Variants in RYR2 observed in about 807,000 individuals in gnomAD.
RYR2 encodes cardiac muscle ryanodine receptor-calcium release channel.
In RYR2, 227 loss-of-function variants were observed where a neutral mutation model predicts 601.1. That is an observed-to-expected ratio of 0.38 (90% CI 0.34 to 0.42). The LOEUF is 0.42. Ranked by LOEUF, RYR2 falls within the 10% of genes least tolerant of loss-of-function variation. The pLI, the probability that RYR2 is intolerant of heterozygous loss-of-function variation, is 1.00. For synonymous variants in RYR2, 2,223 were observed against 2,175.1 expected (o/e 1.02, Z -0.61); for missense variants, 4,646 against 6,156.5 (o/e 0.75, Z 8.21).
intron 1 of RYR2, among the ~76,000 whole-genome samples, chr1:237,074,452 C>CA (rs2148348653): frequency 6.6e-6 from 1 of 152,262 alleles, no homozygotes; most frequent in African/African-American, 2.4e-5. Context: ...AATGGGAGGA[C>CA]ACTGATGGAT....
At chr1:237,739,778 G>A (rs1009580626) in intron 79 of RYR2, among the ~76,000 whole-genome samples, 3 of 152,022 alleles carry the variant, frequency 2.0e-5, no homozygotes, top group African/African-American at 4.8e-5. Context: ...AGTCTTCTGC[G>A]GAGTTATCAA....
chr1:237,716,115 TTTAA>T (rs1385935353), intron 71 of RYR2, among the ~76,000 whole-genome samples: 22 of 152,214 alleles, frequency 1.4e-4, no homozygotes, highest in African/African-American at 4.8e-4. Context: ...CAATATGTAG[TTTAA>T]TTATTACATA....
At position 237,623,801 on chromosome 1, in the gene RYR2, G is replaced by A. The variant is rs1456686118; in HGVS notation, c.5953G>A (p.Glu1985Lys). 10 of 1,613,244 alleles carry A rather than the reference G, an allele frequency of 6.2e-6. No individual in the cohort carries two copies. Among genetic ancestry groups the A allele is most frequent in the Non-Finnish European group, 8.5e-6 (10 of 1,179,304 alleles). The change falls in exon 39 of 105, where the codon GAA (glutamate) becomes AAA (lysine). Residue 1985 changes from glutamate (E) to lysine (K), a missense_variant. Coordinates refer to ENST00000366574, the MANE Select transcript of RYR2 (RefSeq NM_001035.3). ...TCTCAATTTTAAGGATGACAAAAGTGAATGTCCATGTCCAGAAGAAATTCG... is the reference window on the plus strand; with the variant it reads ...TCTCAATTTTAAGGATGACAAAAGTAAATGTCCATGTCCAGAAGAAATTCG... ...MLLNFKDDKS[E>K]CPCPEEIRDQ...
At chr1:237,540,491 G>T (rs1669139879) in intron 25 of RYR2, among the ~76,000 whole-genome samples, 1 of 152,040 alleles carries the variant, frequency 6.6e-6, no homozygotes, top group East Asian at 1.9e-4. Flanking sequence ...CAGATCACCT[G>T]AGGTCAGGGG....
At chr1:237,105,308 A>G (rs758928225) in intron 1 of RYR2, among the ~76,000 whole-genome samples, 5 of 152,206 alleles carry the variant, frequency 3.3e-5, no homozygotes, top group Admixed American at 6.5e-5. Flanking sequence ...TATTAAATGA[A>G]TTGCATTGCA....
intron 2 of RYR2, among the ~76,000 whole-genome samples, chr1:237,323,856 C>T (rs1695884809): frequency 6.6e-6 from 1 of 152,204 alleles, no homozygotes; most frequent in Non-Finnish European, 1.5e-5. Context: ...AACCCAGAGA[C>T]ATCAGCTTCA....
chr1:237,447,084 A>T (rs1657450075), intron 14 of RYR2, among the ~76,000 whole-genome samples: 1 of 152,188 alleles, frequency 6.6e-6, no homozygotes, highest in Non-Finnish European at 1.5e-5. Context: ...ATATTTAGTC[A>T]ACACTGACTT....
chr1:237,244,705 CTCTTTCTTTT>C (rs1251583180), intron 1 of RYR2, among the ~76,000 whole-genome samples: 2 of 152,102 alleles, frequency 1.3e-5, no homozygotes, highest in African/African-American at 4.8e-5. Flanking sequence ...CTCTTTCTTT[CTCTTTCTTTT>C]GCCTATTAAA....
At chr1:237,660,368 C>A (rs959331964) in intron 55 of RYR2, among the ~76,000 whole-genome samples, 47 of 151,862 alleles carry the variant, frequency 3.1e-4, no homozygotes, top group African/African-American at 1.1e-3. Flanking sequence ...TCTTATCATG[C>A]TTAAGAGTTT....
intron 1 of RYR2, among the ~76,000 whole-genome samples, chr1:237,148,572 A>G (rs1296664212): frequency 6.9e-6 from 1 of 144,050 alleles, no homozygotes; most frequent in Non-Finnish European, 1.5e-5. Context: ...ACATATATAT[A>G]TATATACACA....
At chr1:237,567,014 T>G (rs1672154011) in intron 28 of RYR2, among the ~76,000 whole-genome samples, 1 of 152,206 alleles carries the variant, frequency 6.6e-6, no homozygotes. Context: ...AAATCATCTT[T>G]GTCTATCAAA....
chr1:237,586,730 T>C (rs955651445), intron 29 of RYR2, among the ~76,000 whole-genome samples: 14 of 151,894 alleles, frequency 9.2e-5, no homozygotes, highest in African/African-American at 3.4e-4. Flanking sequence ...TTTTTTTTTC[T>C]TTTTTTTGAG....
At chr1:237,561,288 T>C (rs746707736) in intron 27 of RYR2, among the ~76,000 whole-genome samples, 21 of 152,200 alleles carry the variant, frequency 1.4e-4, no homozygotes, top group Admixed American at 4.6e-4. Flanking sequence ...TTATGTTTAG[T>C]GTTTACTATG....
chr1:237,635,528 CAT>C (rs1213260932), intron 44 of RYR2, among the ~76,000 whole-genome samples: 1 of 152,186 alleles, frequency 6.6e-6, no homozygotes, highest in Non-Finnish European at 1.5e-5. Context: ...CTAAGCCACA[CAT>C]GTGTATTACC....
intron 4 of RYR2, among the ~76,000 whole-genome samples, chr1:237,358,939 G>T (rs868776426): frequency 2.0e-5 from 3 of 152,046 alleles, no homozygotes; most frequent in Non-Finnish European, 4.4e-5. Context: ...ATACACTGGG[G>T]GTGGGCAGTC....
At chr1:237,484,487 A>G (rs1476964656) in intron 17 of RYR2, among the ~76,000 whole-genome samples, 1 of 152,132 alleles carries the variant, frequency 6.6e-6, no homozygotes, top group African/African-American at 2.4e-5. Flanking sequence ...CTGTGTGGCT[A>G]CCAGTCTAAT....
chr1:237,194,752 C>A (rs1680369407), intron 1 of RYR2, among the ~76,000 whole-genome samples: 1 of 152,116 alleles, frequency 6.6e-6, no homozygotes, highest in East Asian at 1.9e-4. Context: ...CTTGAGGCTG[C>A]CAAGAAAAGC....
rs181622053 is a variant in RYR2, at chr1:237,610,560, A to T, written c.4684-202A>T. On this transcript the variant is annotated intron_variant, in intron 35 of 104. Coordinates refer to ENST00000366574, the MANE Select transcript of RYR2 (RefSeq NM_001035.3). The surrounding 1 kb of genome is among the most constrained non-coding windows in gnomAD (Gnocchi z 4.9). Reference sequence around the variant, plus strand: ...GTTTGACTGCCCGGAAGGTGTAGGTATTCTCTCTCATAATGTATTTCCTGG... The same window carrying T: ...GTTTGACTGCCCGGAAGGTGTAGGTTTTCTCTCTCATAATGTATTTCCTGG... Among the ~76,000 whole-genome samples the T allele has an allele frequency of 1.3e-5, 2 of 151,980 alleles. No individual in the cohort carries two copies. The highest frequency in any genetic ancestry group is 2.9e-5 in the Non-Finnish European group (2 of 67,974).
At chr1:237,262,245 G>GTTTTTTGT (rs1688600906) in intron 1 of RYR2, among the ~76,000 whole-genome samples, 1 of 61,106 alleles carries the variant, frequency 1.6e-5, no homozygotes, top group Non-Finnish European at 2.8e-5. Flanking sequence ...GTTCTAAAGA[G>GTTTTTTGT]TTTTTTTTTT....
Sources: allele counts gnomAD v4.1 joint callset (sites outside exome capture counted in the v4.1 genomes callset), GRCh38; gene constraint gnomAD v4.1.1; non-coding constraint Gnocchi (gnomAD v3.1); transcripts MANE v1.5; gene names NCBI Gene and HGNC (gene_info 2026-07-23, HGNC 2026-07-21).